Variants in PDE4B observed in about 807,000 individuals in gnomAD.
The protein encoded by PDE4B is phosphodiesterase 4B.
PDE4B carries 20 observed loss-of-function variants against 82.2 expected under a neutral mutation model. The observed-to-expected ratio is 0.24, with a 90% CI of 0.17 to 0.35. The LOEUF is 0.35. PDE4B is among the 10% of genes least tolerant of loss of function. PDE4B has a pLI of 1.00. For missense variants in PDE4B, 655 were observed against 907.2 expected, an observed-to-expected ratio of 0.72 and a Z score of 3.57; for synonymous variants, 320 against 318.9, an observed-to-expected ratio of 1.00 and a Z score of -0.04.
chr1:66,294,380 G>A (rs531974837), intron 7 of PDE4B, among the ~76,000 whole-genome samples: 1 of 152,136 alleles, frequency 6.6e-6, no homozygotes, highest in Non-Finnish European at 1.5e-5. Flanking sequence ...ATGGACATAT[G>A]TATGTGCTGA....
At chr1:66,093,212 G>A (rs927566444) in intron 3 of PDE4B, among the ~76,000 whole-genome samples, 1 of 152,116 alleles carries the variant, frequency 6.6e-6, no homozygotes, top group East Asian at 1.9e-4. Context: ...GAAGATTGAA[G>A]GCCTAAGGCT....
chr1:66,151,551 C>G (rs563692080), intron 3 of PDE4B, among the ~76,000 whole-genome samples: 143 of 152,306 alleles, frequency 9.4e-4, no homozygotes, highest in Middle Eastern at 3.4e-3. Flanking sequence ...TCATGAAGCT[C>G]TTACTCCCCA....
At chr1:65,794,039 TTA>T (rs749781512) in intron 1 of PDE4B, among the ~76,000 whole-genome samples, 1 of 150,440 alleles carries the variant, frequency 6.6e-6, no homozygotes, top group Admixed American at 6.6e-5. Context: ...ATTACAGTAG[TTA>T]TATATGTGTG....
At chr1:66,271,128 G>A (rs867244184) in intron 7 of PDE4B, among the ~76,000 whole-genome samples, 12 of 152,176 alleles carry the variant, frequency 7.9e-5, no homozygotes, top group African/African-American at 2.2e-4. Flanking sequence ...ATTGGTACTC[G>A]CAAAAACATT....
intron 1 of PDE4B, among the ~76,000 whole-genome samples, chr1:65,801,373 G>T (rs1645693395): frequency 6.6e-6 from 1 of 152,104 alleles, no homozygotes. Context: ...GTTACTTCCA[G>T]CAAAATACTT....
chr1:66,196,820 G>C (rs1570445350), intron 3 of PDE4B, among the ~76,000 whole-genome samples: 1 of 117,504 alleles, frequency 8.5e-6, no homozygotes, highest in South Asian at 3.5e-4. Context: ...GGGGTGGGGG[G>C]AGGGGGGAGG....
At chr1:66,077,698 G>T (rs1656506158) in intron 3 of PDE4B, among the ~76,000 whole-genome samples, 1 of 152,254 alleles carries the variant, frequency 6.6e-6, no homozygotes, top group Admixed American at 6.5e-5. Flanking sequence ...ACTTCTGAGA[G>T]ATATTAATTT....
chr1:66,358,842 C>T (rs79746348), intron 9 of PDE4B, among the ~76,000 whole-genome samples: 2 of 152,146 alleles, frequency 1.3e-5, no homozygotes, highest in Admixed American at 6.5e-5. Context: ...ATGTGTCATC[C>T]AGGGAGGAGG....
chr1:66,358,082 C>T (rs1444292025), intron 9 of PDE4B, among the ~76,000 whole-genome samples: 3 of 152,304 alleles, frequency 2.0e-5, no homozygotes, highest in East Asian at 3.9e-4. Flanking sequence ...TTCTGATCTG[C>T]ATGGGACCAT....
intron 3 of PDE4B, among the ~76,000 whole-genome samples, chr1:66,149,921 T>A (rs541574121): frequency 6.6e-6 from 1 of 152,306 alleles, no homozygotes; most frequent in South Asian, 2.1e-4. Flanking sequence ...TTTGAAATAA[T>A]TTTTTAATAT....
chr1:65,991,690 T>G lies in PDE4B; in HGVS notation c.281+72855T>G, dbSNP rs528259878. Among the ~76,000 whole-genome samples the G allele has an allele frequency of 1.6e-4, 25 of 152,340 alleles. No individual in the cohort carries two copies. In the South Asian group the frequency reaches 5.2e-3, roughly 32 times the overall value. On this transcript the variant is annotated intron_variant, in intron 3 of 16. Transcript: ENST00000341517. ...TATATATCTACATGTTAGGTTACAG[T>G]GATCTGCTTTTGGACTTGAGGCATT...
intron 3 of PDE4B, among the ~76,000 whole-genome samples, chr1:66,040,743 G>A (rs1392826954): frequency 2.6e-5 from 4 of 151,970 alleles, no homozygotes; most frequent in Non-Finnish European, 5.9e-5. Flanking sequence ...TTTTGATCAA[G>A]GAGAGTAAAG....
chr1:66,291,401 G>C (rs1035308131), intron 7 of PDE4B, among the ~76,000 whole-genome samples: 32 of 152,122 alleles, frequency 2.1e-4, no homozygotes, highest in African/African-American at 7.2e-4. Flanking sequence ...ATCTCTGCTG[G>C]ATCAAGCTGT....
intron 3 of PDE4B, among the ~76,000 whole-genome samples, chr1:65,970,835 GA>G (rs1243013606): frequency 6.6e-6 from 1 of 151,910 alleles, no homozygotes; most frequent in Non-Finnish European, 1.5e-5. Flanking sequence ...GTGAACATGT[GA>G]AAAAATGTGC....
chr1:66,022,748 G>A (rs1470378633), intron 3 of PDE4B, among the ~76,000 whole-genome samples: 1 of 152,120 alleles, frequency 6.6e-6, no homozygotes, highest in Non-Finnish European at 1.5e-5. Flanking sequence ...TGTTCATCAG[G>A]GATATTGATC....
At chr1:66,262,613 C>T (rs375345608) in intron 6 of PDE4B, among the ~76,000 whole-genome samples, 1 of 152,360 alleles carries the variant, frequency 6.6e-6, no homozygotes, top group Non-Finnish European at 1.5e-5. Flanking sequence ...ATACCACTTT[C>T]CTCTGGCATT....
chr1:65,866,972 T>A (rs2801578), intron 1 of PDE4B, among the ~76,000 whole-genome samples: 80,721 of 151,938 alleles, frequency 0.53, 21,539 homozygotes, highest in African/African-American at 0.57. Flanking sequence ...GATAATGGTA[T>A]TGTGGTGTTT....
At chr1:66,313,093 C>A (rs1201838099) in intron 7 of PDE4B, among the ~76,000 whole-genome samples, 1 of 152,190 alleles carries the variant, frequency 6.6e-6, no homozygotes, top group South Asian at 2.1e-4. Context: ...AATTATTTAT[C>A]CCTTGTAGTA....
In PDE4B at chr1:66,367,800, A is replaced by C; in HGVS notation, c.1489A>C (p.Asn497His). ...LQEEHCDIFM[N>H]LTKKQRQTLR... ...AGAAGAACACTGTGACATCTTCATG[A>C]ATCTCACCAAGAAGCAGCGTCAGAC... The change falls in exon 14 of 17, where the codon AAT becomes CAT. Residue 497 changes from asparagine (N) to histidine (H), a missense_variant. Asn to His is a moderately conservative substitution (Grantham distance 68). Around this residue, in one of 3 missense-constraint regions of PDE4B, gnomAD observed 283 missense variants for 516.4 expected, o/e 0.55. Coordinates refer to ENST00000341517, the MANE Select transcript of PDE4B (RefSeq NM_002600.4). 6.2e-7 allele frequency: 1 copy of C among 1,613,908 alleles called. No homozygotes were observed. The highest frequency in any genetic ancestry group is 8.5e-7 in the Non-Finnish European group (1 of 1,179,828).
Sources: allele counts gnomAD v4.1 joint callset (sites outside exome capture counted in the v4.1 genomes callset), GRCh38; gene constraint gnomAD v4.1.1; regional missense constraint gnomAD v4.1.1; transcripts MANE v1.5; gene names NCBI Gene and HGNC (gene_info 2026-07-23, HGNC 2026-07-21).